The following EYS variants were observed in gnomAD, a reference collection of about 807,000 sequenced individuals.
EYS encodes the protein protein eyes shut homolog.
A neutral mutation model predicts 282.1 loss-of-function variants in EYS; 250 were observed. That is an observed-to-expected ratio of 0.89 (90% CI 0.80 to 0.98). The LOEUF is 0.98. Ranked by LOEUF, EYS falls within the 50% of genes least tolerant of loss-of-function variation. The probability of loss-of-function intolerance (pLI) is 0.00; values close to 1 mark genes in which losing one functional copy is unlikely to be tolerated. For missense variants in EYS, 4,016 were observed against 3,709.0 expected, an observed-to-expected ratio of 1.08 and a Z score of -2.15; for synonymous variants, 1,355 against 1,282.9, an observed-to-expected ratio of 1.06 and a Z score of -1.20.
intron 13 of EYS, among the ~76,000 whole-genome samples, chr6:65,001,676 C>T (rs1318916940): frequency 4.1e-5 from 6 of 147,944 alleles, no homozygotes; most frequent in Non-Finnish European, 7.6e-5. Flanking sequence ...CCAGTATTTC[C>T]GTGTCTTCTG....
chr6:64,487,704 A>G (rs147522135), intron 26 of EYS, among the ~76,000 whole-genome samples: 10 of 151,112 alleles, frequency 6.6e-5, no homozygotes, highest in African/African-American at 2.4e-4. Context: ...TCTAGTGAGT[A>G]TTTACATATG....
intron 1 of EYS, among the ~76,000 whole-genome samples, chr6:65,655,192 T>C (rs1767778041): frequency 6.6e-6 from 1 of 151,570 alleles, no homozygotes; most frequent in African/African-American, 2.4e-5. Flanking sequence ...TTAGAAAAAT[T>C]CCAAATAATT....
intron 22 of EYS, among the ~76,000 whole-genome samples, chr6:64,689,468 A>C (rs1770289266): frequency 6.6e-6 from 1 of 152,154 alleles, no homozygotes; most frequent in South Asian, 2.1e-4. Context: ...CTGGAAAAAA[A>C]AAAACTACTT....
intron 22 of EYS, among the ~76,000 whole-genome samples, chr6:64,776,224 G>A (rs1463664260): frequency 6.6e-6 from 1 of 152,070 alleles, no homozygotes; most frequent in Non-Finnish European, 1.5e-5. Context: ...ATTGCTTGAG[G>A]AGATCGAGCA....
At chr6:65,373,209 C>T (rs567235103) in intron 8 of EYS, among the ~76,000 whole-genome samples, 2 of 152,304 alleles carry the variant, frequency 1.3e-5, no homozygotes, top group African/African-American at 4.8e-5. Flanking sequence ...ACATGTTTCT[C>T]TTTGGATCCT....
intron 12 of EYS, among the ~76,000 whole-genome samples, chr6:65,155,839 C>T (rs536562463): frequency 6.6e-6 from 1 of 151,530 alleles, no homozygotes; most frequent in East Asian, 2.0e-4. Context: ...AAAGCTTTGG[C>T]TGAATATGTC....
At chr6:64,199,640 A>G (rs982514549) in intron 31 of EYS, among the ~76,000 whole-genome samples, 30 of 152,216 alleles carry the variant, frequency 2.0e-4, no homozygotes. Context: ...GTGAACAGGC[A>G]ACCTACAGAA....
chr6:64,322,908 A>T (rs1193562093), intron 29 of EYS, among the ~76,000 whole-genome samples: 1 of 152,036 alleles, frequency 6.6e-6, no homozygotes, highest in African/African-American at 2.4e-5. Flanking sequence ...TTACTCTCTC[A>T]GCAAGAACAG....
intron 22 of EYS, among the ~76,000 whole-genome samples, chr6:64,771,721 T>C (rs1264133006): frequency 6.6e-6 from 1 of 151,806 alleles, no homozygotes; most frequent in African/African-American, 2.4e-5. Context: ...ATAAATATGG[T>C]CTAAAAGACT....
At chr6:63,930,796 A>G (rs1055223541) in intron 35 of EYS, among the ~76,000 whole-genome samples, 1 of 152,184 alleles carries the variant, frequency 6.6e-6, no homozygotes, top group Admixed American at 6.5e-5. Flanking sequence ...ACAGGCATAA[A>G]TTAATGAGGC....
At chr6:65,005,223 C>T (rs9351479) in intron 13 of EYS, among the ~76,000 whole-genome samples, 11,544 of 147,832 alleles carry the variant, frequency 0.078, 1,814 homozygotes, top group East Asian at 0.17. Flanking sequence ...TTGCCACTCC[C>T]GATCGGGCTA....
At chr6:65,314,032 G>C (rs867373119) in intron 11 of EYS, among the ~76,000 whole-genome samples, 17 of 152,036 alleles carry the variant, frequency 1.1e-4, no homozygotes, top group Admixed American at 2.6e-4. Flanking sequence ...GTTTTTCACA[G>C]AAGCCAAACA....
intron 26 of EYS, among the ~76,000 whole-genome samples, chr6:64,542,755 T>C (rs1764729587): frequency 6.6e-6 from 1 of 152,110 alleles, no homozygotes; most frequent in South Asian, 2.1e-4. Flanking sequence ...TTAGGATAGA[T>C]GAGCATCTTT....
chr6:65,621,192 C>G (rs1766471408), intron 2 of EYS, among the ~76,000 whole-genome samples: 1 of 152,058 alleles, frequency 6.6e-6, no homozygotes, highest in South Asian at 2.1e-4. Context: ...GAGTCTAAGT[C>G]TCTTTGTAGG....
At chr6:65,116,306 AACATTCTTCACGTCTAATTAAC>A (rs1370158275) in intron 12 of EYS, among the ~76,000 whole-genome samples, 2 of 152,160 alleles carry the variant, frequency 1.3e-5, no homozygotes, top group African/African-American at 4.8e-5. Context: ...AAAAGAAGTC[AACATTCTTCACGTCTAATTAAC>A]ACATTTTCCC....
At chr6:64,590,128 G>T in intron 26 of EYS, 95 bp downstream of exon 26, 3 of 1,119,588 alleles carry the variant, frequency 2.7e-6, no homozygotes, top group Non-Finnish European at 3.8e-6. Context: ...CAATGAGGCT[G>T]TTCAGAGCAC....
At chr6:64,330,416 G>C (rs1230830907) in intron 29 of EYS, among the ~76,000 whole-genome samples, 4 of 152,092 alleles carry the variant, frequency 2.6e-5, no homozygotes, top group Non-Finnish European at 5.9e-5. Flanking sequence ...CCAAAGGGAG[G>C]GGGGAAAGAA....
chr6:64,975,481 T>C (rs1270417333), intron 14 of EYS, among the ~76,000 whole-genome samples: 1 of 151,780 alleles, frequency 6.6e-6, no homozygotes, highest in Non-Finnish European at 1.5e-5. Flanking sequence ...TTTAAAAAAG[T>C]TTTTGCATTG....
rs373471362 is a variant in EYS at position 63,847,655 on chromosome 6, A to G, written c.7228+16531T>C. ...GTTGCCAGACTAATGTTTTTCTTTA[A>G]GAAATTGTTTTTTGCCTGAGTTGAC... On this transcript the variant is annotated intron_variant, in intron 36 of 42. Transcript: ENST00000503581. Among the ~76,000 whole-genome samples the G allele has an allele frequency of 3.9e-5, 6 of 152,338 alleles. No homozygotes were observed. The East Asian group carries it at 7.7e-4, about 20-fold the overall frequency.
Sources: gnomAD v4.1 joint callset for allele counts (sites outside exome capture counted in the v4.1 genomes callset) on GRCh38, gnomAD v4.1.1 for gene constraint, MANE v1.5 for transcripts, NCBI Gene and HGNC (gene_info 2026-07-23, HGNC 2026-07-21) for gene names.